FHIT: variants seen among roughly 807,000 people sequenced by gnomAD.
The protein encoded by FHIT is fragile histidine triad diadenosine triphosphatase.
In FHIT, 19 loss-of-function variants were observed where a neutral mutation model predicts 17.9. The ratio of observed to expected loss-of-function variants is 1.06; its 90% confidence interval spans 0.74 to 1.56. The LOEUF (loss-of-function observed/expected upper bound fraction) is 1.56, where lower values mean the gene tolerates loss of function less well. Among genes scored for constraint, FHIT ranks in the 40% most tolerant of loss-of-function variants. The probability of loss-of-function intolerance (pLI) is 0.00; values close to 1 mark genes in which losing one functional copy is unlikely to be tolerated. For synonymous variants in FHIT, 81 were observed against 69.7 expected (o/e 1.16, Z -0.81); for missense variants, 248 against 189.2 (o/e 1.31, Z -1.82).
At chr3:60,514,374 C>T (rs1231379031) in intron 5 of FHIT, among the ~76,000 whole-genome samples, 3 of 152,222 alleles carry the variant, frequency 2.0e-5, no homozygotes, top group African/African-American at 4.8e-5. Flanking sequence ...TTCCCACACC[C>T]GTTTCCTTGC....
chr3:61,228,843 C>T (rs958785075), intron 1 of FHIT, among the ~76,000 whole-genome samples: 31 of 152,266 alleles, frequency 2.0e-4, no homozygotes, highest in African/African-American at 6.7e-4. Flanking sequence ...TTCATACATT[C>T]GATGGGTCAT....
At chr3:59,755,084 G>A (rs1187639747) in intron 8 of FHIT, among the ~76,000 whole-genome samples, 1 of 150,376 alleles carries the variant, frequency 6.6e-6, no homozygotes, top group Non-Finnish European at 1.5e-5. Flanking sequence ...TGTGTAGATA[G>A]AGCCCACACA....
At chr3:60,272,902 A>G (rs1219447813) in intron 5 of FHIT, among the ~76,000 whole-genome samples, 1 of 152,210 alleles carries the variant, frequency 6.6e-6, no homozygotes, top group Non-Finnish European at 1.5e-5. Flanking sequence ...AGGGTAAATC[A>G]GGCCTCCCTT....
intron 8 of FHIT, among the ~76,000 whole-genome samples, chr3:59,824,809 T>C (rs377567781): frequency 2.5e-4 from 38 of 152,238 alleles, no homozygotes; most frequent in African/African-American, 9.1e-4. Flanking sequence ...ACTTCTAACT[T>C]TTCTCTATCC....
chr3:60,232,498 G>A (rs1458402596), intron 5 of FHIT, among the ~76,000 whole-genome samples: 5 of 152,200 alleles, frequency 3.3e-5, no homozygotes, highest in East Asian at 1.9e-4. Context: ...CTGATTTTAA[G>A]GATTTTCCAT....
chr3:60,019,448 C>T (rs1041751593), intron 5 of FHIT, among the ~76,000 whole-genome samples: 14 of 111,734 alleles, frequency 1.3e-4, no homozygotes, highest in African/African-American at 3.7e-4. Flanking sequence ...GATGGAGTTT[C>T]GCTCTCGTTG....
At chr3:60,566,489 A>C (rs905858802) in intron 4 of FHIT, among the ~76,000 whole-genome samples, 1 of 152,264 alleles carries the variant, frequency 6.6e-6, no homozygotes, top group Non-Finnish European at 1.5e-5. Flanking sequence ...ATGACCAACC[A>C]ACAGCCAATA....
intron 5 of FHIT, among the ~76,000 whole-genome samples, chr3:60,476,519 CT>C (rs2033351250): frequency 6.6e-6 from 1 of 152,196 alleles, no homozygotes; most frequent in Admixed American, 6.5e-5. Flanking sequence ...AAGGAATTTT[CT>C]TTTATAGGGA....
chr3:61,109,882 C>G (rs2036103569), intron 2 of FHIT, among the ~76,000 whole-genome samples: 1 of 152,090 alleles, frequency 6.6e-6, no homozygotes, highest in Non-Finnish European at 1.5e-5. Context: ...GGACAACCTT[C>G]AAAAGATTAA....
intron 2 of FHIT, among the ~76,000 whole-genome samples, chr3:61,046,223 CA>C (rs1340964427): frequency 1.3e-5 from 2 of 151,912 alleles, no homozygotes; most frequent in Non-Finnish European, 2.9e-5. Context: ...AAAAGATCAA[CA>C]AAATTGATAG....
chr3:61,038,657 C>T (rs911902757), intron 3 of FHIT, among the ~76,000 whole-genome samples: 8 of 151,974 alleles, frequency 5.3e-5, no homozygotes, highest in Non-Finnish European at 1.5e-5. Flanking sequence ...CAGCTGCATT[C>T]TGAAATACAT....
intron 4 of FHIT, among the ~76,000 whole-genome samples, chr3:60,784,167 T>A (rs1396935061): frequency 6.6e-6 from 1 of 152,150 alleles, no homozygotes. Context: ...AATAGGCTCC[T>A]GCACCCTCTA....
chr3:60,916,904 A>T (rs1239742578), intron 3 of FHIT, among the ~76,000 whole-genome samples: 1 of 152,344 alleles, frequency 6.6e-6, no homozygotes, highest in East Asian at 1.9e-4. Flanking sequence ...TTAGAATCGC[A>T]TAAAAAAATC....
At chr3:60,733,875 CTAGGA>C (rs782112857) in intron 4 of FHIT, among the ~76,000 whole-genome samples, 2 of 152,096 alleles carry the variant, frequency 1.3e-5, no homozygotes, top group African/African-American at 2.4e-5. Context: ...CCTAGTCTTG[CTAGGA>C]TAGAAGTTTT....
At chr3:59,902,161 C>T (rs551118303) in intron 8 of FHIT, among the ~76,000 whole-genome samples, 23 of 152,102 alleles carry the variant, frequency 1.5e-4, no homozygotes, top group South Asian at 4.2e-4. Context: ...GATATTTTTC[C>T]GAAGGGGACA....
rs571145124 is a variant in FHIT at position 60,100,677 on chromosome 3, G to A, written c.104-86525C>T. On this transcript the variant is annotated intron_variant, in intron 5 of 9. Coordinates refer to ENST00000492590, the MANE Select transcript of FHIT (RefSeq NM_002012.4). ...CTCTGTCATGGGGTAGAAGGGGCTC[G>A]AGGACAAAGTTTAGCTTAAAACCAG... Among the ~76,000 whole-genome samples the A allele has an allele frequency of 5.9e-5, 9 of 152,154 alleles. No individual in the cohort carries two copies. In the East Asian group the frequency reaches 1.2e-3, roughly 20 times the overall value.
intron 5 of FHIT, among the ~76,000 whole-genome samples, chr3:60,373,254 G>T (rs948059905): frequency 6.6e-6 from 1 of 152,174 alleles, no homozygotes; most frequent in Admixed American, 6.5e-5. Flanking sequence ...CAGTCCTTGG[G>T]TGGGGAGGCT....
chr3:59,874,378 C>T (rs1703058081), intron 8 of FHIT, among the ~76,000 whole-genome samples: 1 of 152,194 alleles, frequency 6.6e-6, no homozygotes, highest in Admixed American at 6.5e-5. Flanking sequence ...CATGGTAGTT[C>T]TCAAGCTTTA....
At chr3:61,127,885 G>A (rs2036656480) in intron 2 of FHIT, among the ~76,000 whole-genome samples, 1 of 151,696 alleles carries the variant, frequency 6.6e-6, no homozygotes, top group Non-Finnish European at 1.5e-5. Flanking sequence ...AAAAGAAGAA[G>A]AAGAACTTTG....
Sources: gnomAD v4.1 joint callset for allele counts (sites outside exome capture counted in the v4.1 genomes callset) on GRCh38, gnomAD v4.1.1 for gene constraint, MANE v1.5 for transcripts, NCBI Gene and HGNC (gene_info 2026-07-23, HGNC 2026-07-21) for gene names.